BMPR1B: variants seen among roughly 807,000 people sequenced by gnomAD.
BMPR1B encodes bone morphogenetic protein receptor type-1B.
Under a neutral mutation model 59.1 loss-of-function variants are expected in BMPR1B, and 12 were observed. That is an observed-to-expected ratio of 0.20 (90% CI 0.13 to 0.33). The LOEUF is 0.33. Among genes scored for constraint, BMPR1B ranks in the 10% least tolerant of loss-of-function variants. The pLI, the probability that BMPR1B is intolerant of heterozygous loss-of-function variation, is 1.00. For missense variants in BMPR1B, 550 were observed against 610.9 expected, an observed-to-expected ratio of 0.90 and a Z score of 1.05; for synonymous variants, 237 against 207.3, an observed-to-expected ratio of 1.14 and a Z score of -1.23.
At chr4:95,122,589 A>G (rs1732611100) in intron 6 of BMPR1B, among the ~76,000 whole-genome samples, 1 of 152,146 alleles carries the variant, frequency 6.6e-6, no homozygotes, top group Non-Finnish European at 1.5e-5. Flanking sequence ...AAATCAGTAT[A>G]TATTATATTT....
chr4:95,000,731 G>A (rs1722387067), intron 3 of BMPR1B, among the ~76,000 whole-genome samples: 1 of 152,016 alleles, frequency 6.6e-6, no homozygotes, highest in South Asian at 2.1e-4. Context: ...AGTATGGAAA[G>A]ATTATAACAA....
At chr4:94,949,371 C>T (rs1729843801) in intron 2 of BMPR1B, among the ~76,000 whole-genome samples, 2 of 92,694 alleles carry the variant, frequency 2.2e-5, no homozygotes, top group African/African-American at 5.0e-5. Context: ...CTGCGGACTG[C>T]AGTGGCGCAA....
chr4:94,847,022 TG>T (rs778753858), intron 1 of BMPR1B, among the ~76,000 whole-genome samples: 4 of 152,102 alleles, frequency 2.6e-5, no homozygotes, highest in Non-Finnish European at 5.9e-5. Flanking sequence ...AACCACAGAA[TG>T]GGAGAAAATA....
At chr4:94,985,567 GT>G (rs1721354087) in intron 2 of BMPR1B, among the ~76,000 whole-genome samples, 1 of 147,420 alleles carries the variant, frequency 6.8e-6, no homozygotes, top group Admixed American at 6.8e-5. Flanking sequence ...GTTGGCCATT[GT>G]CAACAAAAAT....
chr4:94,813,551 A>C (rs1324097144), intron 1 of BMPR1B, among the ~76,000 whole-genome samples: 3 of 152,166 alleles, frequency 2.0e-5, no homozygotes, highest in Non-Finnish European at 2.9e-5. Flanking sequence ...AGGGCCTATC[A>C]CTGGAATCGT....
intron 1 of BMPR1B, among the ~76,000 whole-genome samples, chr4:94,795,147 G>T (rs558466514): frequency 0.037 from 3,950 of 106,536 alleles, 6 homozygotes; most frequent in African/African-American, 0.081. Context: ...TATGATATTG[G>T]CTGTGGGTTT....
At chr4:94,941,610 TG>T (rs1383772780) in intron 2 of BMPR1B, among the ~76,000 whole-genome samples, 7 of 152,132 alleles carry the variant, frequency 4.6e-5, no homozygotes, top group African/African-American at 1.7e-4. Flanking sequence ...CAGGTGGTGT[TG>T]GCAACTTAAA....
At chr4:95,000,575 T>A (rs1278168685) in intron 3 of BMPR1B, among the ~76,000 whole-genome samples, 25 of 150,868 alleles carry the variant, frequency 1.7e-4, no homozygotes, top group Non-Finnish European at 3.6e-4. Context: ...TAGCAAAGAG[T>A]TTTAGGTATG....
In BMPR1B at chr4:94,980,168, C is replaced by T. The variant is rs187827426; in HGVS notation, c.-112-15872C>T. Among the ~76,000 whole-genome samples, 13 of 152,288 alleles carry T rather than the reference C, an allele frequency of 8.5e-5. 1 individual carries two copies. The highest frequency in any genetic ancestry group is 2.9e-4 in the African/African-American group (12 of 41,540). ...TATTACTGTACCTAAGAAAGCACAC[C>T]ACTTTTTGGCAGTTGAACTGGCCAC... On this transcript the variant is annotated intron_variant, in intron 2 of 12. Transcript: ENST00000515059.
chr4:94,828,645 A>AT (rs908301039), intron 1 of BMPR1B, among the ~76,000 whole-genome samples: 4 of 149,958 alleles, frequency 2.7e-5, no homozygotes, highest in East Asian at 1.9e-4. Flanking sequence ...GAGAATGGAT[A>AT]TTTTTTTTCC....
intron 10 of BMPR1B, among the ~76,000 whole-genome samples, chr4:95,137,246 T>C (rs553032356): frequency 5.1e-4 from 78 of 152,354 alleles, no homozygotes; most frequent in African/African-American, 1.9e-3. Context: ...TCCTGAGTTC[T>C]AGTTTGATTG....
intron 1 of BMPR1B, among the ~76,000 whole-genome samples, chr4:94,865,511 C>T (rs1198284556): frequency 6.6e-6 from 1 of 152,104 alleles, no homozygotes; most frequent in African/African-American, 2.4e-5. Flanking sequence ...CTGCCTCAGC[C>T]TCCCGAGTAG....
intron 2 of BMPR1B, among the ~76,000 whole-genome samples, chr4:94,958,717 T>A (rs1186043780): frequency 2.0e-5 from 3 of 152,138 alleles, no homozygotes; most frequent in Non-Finnish European, 2.9e-5. Context: ...GTCCACAGTG[T>A]TAGTCGTTGT....
At chr4:95,064,852 C>A (rs1363204566) in intron 3 of BMPR1B, among the ~76,000 whole-genome samples, 2 of 151,884 alleles carry the variant, frequency 1.3e-5, no homozygotes, top group African/African-American at 4.8e-5. Flanking sequence ...ACTAGGATGG[C>A]TGTAATAAAA....
At chr4:95,140,407 C>T (rs897673940) in intron 10 of BMPR1B, among the ~76,000 whole-genome samples, 5 of 152,162 alleles carry the variant, frequency 3.3e-5, no homozygotes, top group African/African-American at 1.2e-4. Context: ...AATTTGTATG[C>T]TTTCTTTTGC....
At chr4:95,108,969 A>G (rs1433350476) in intron 4 of BMPR1B, among the ~76,000 whole-genome samples, 1 of 151,924 alleles carries the variant, frequency 6.6e-6, no homozygotes, top group Non-Finnish European at 1.5e-5. Context: ...GTTCTGTTTC[A>G]GTTTCCTGTC....
intron 1 of BMPR1B, among the ~76,000 whole-genome samples, chr4:94,836,759 T>G: frequency 6.8e-6 from 1 of 147,798 alleles, no homozygotes; most frequent in East Asian, 1.9e-4. Flanking sequence ...GCTCTTTATT[T>G]TAATTAGATC....
chr4:94,994,369 T>A (rs1478500425), intron 2 of BMPR1B, among the ~76,000 whole-genome samples: 3 of 152,236 alleles, frequency 2.0e-5, no homozygotes, highest in Non-Finnish European at 2.9e-5. Flanking sequence ...TATTCTTCCC[T>A]TTGCCTCACT....
intron 10 of BMPR1B, among the ~76,000 whole-genome samples, chr4:95,137,018 G>A (rs552194075): frequency 2.0e-4 from 31 of 152,246 alleles, no homozygotes; most frequent in African/African-American, 7.5e-4. Context: ...ATCAGTTTTA[G>A]ATCTTTCCTG....
Sources: allele counts gnomAD v4.1 joint callset (sites outside exome capture counted in the v4.1 genomes callset), GRCh38; gene constraint gnomAD v4.1.1; transcripts MANE v1.5; gene names NCBI Gene and HGNC (gene_info 2026-07-23, HGNC 2026-07-21).